POC1A: variants seen among roughly 807,000 people sequenced by gnomAD.
POC1A encodes the protein POC1 centriolar protein homolog A.
POC1A carries 34 observed loss-of-function variants against 47.8 expected under a neutral mutation model. The ratio of observed to expected loss-of-function variants is 0.71; its 90% CI spans 0.54 to 0.95. The LOEUF is 0.95. POC1A is among the 40% of genes least tolerant of loss of function. POC1A has a pLI of 0.00. For missense variants in POC1A, 466 were observed against 528.3 expected, an observed-to-expected ratio of 0.88 and a Z score of 1.16; for synonymous variants, 177 against 207.6, an observed-to-expected ratio of 0.85 and a Z score of 1.27.
intron 6 of POC1A, among the ~76,000 whole-genome samples, chr3:52,145,162 C>T (rs1246318548): frequency 1.3e-5 from 2 of 152,186 alleles, no homozygotes; most frequent in Admixed American, 6.5e-5. Flanking sequence ...CCTGCCCACT[C>T]ATACTTGCTC....
intron 7 of POC1A, among the ~76,000 whole-genome samples, chr3:52,129,978 T>C (rs752153036): frequency 4.6e-5 from 7 of 152,180 alleles, no homozygotes; most frequent in Non-Finnish European, 4.4e-5. Flanking sequence ...GATTTCACAG[T>C]CGTGCTGGCT....
chr3:52,125,268 AAGC>A, intron 7 of POC1A, 87 bp from the exon 8 acceptor site: 1 of 1,117,844 alleles, frequency 8.9e-7, no homozygotes, highest in Non-Finnish European at 1.3e-6. Flanking sequence ...TCTTGAATGA[AAGC>A]AGCAGCAGGA....
intron 4 of POC1A, among the ~76,000 whole-genome samples, chr3:52,147,838 C>T (rs190194139): frequency 1.9e-4 from 29 of 152,170 alleles, no homozygotes; most frequent in Non-Finnish European, 5.9e-5. Flanking sequence ...CTCTTGTTTT[C>T]GTTTTCTTAC....
intron 7 of POC1A, among the ~76,000 whole-genome samples, chr3:52,130,588 G>A (rs796252171): frequency 1.3e-5 from 2 of 152,200 alleles, no homozygotes; most frequent in Non-Finnish European, 2.9e-5. Context: ...TAAATGAGCC[G>A]TTCTCTCTCT....
rs147865556 is a variant in POC1A, at chr3:52,105,115, G to C, written c.982-8403C>G. Among the ~76,000 whole-genome samples the C allele has an allele frequency of 4.8e-4, 73 of 152,322 alleles. 1 individual carries two copies. In the East Asian group the frequency reaches 0.013, roughly 28 times the overall value. ...CAAAGCTTGATTCTAGGCAAGAGAG[G>C]GGAGAAGAAGGTGACCTGGGGCCAA... On this transcript the variant is annotated intron_variant, in intron 9 of 10. Coordinates refer to ENST00000296484, the MANE Select transcript of POC1A (RefSeq NM_015426.5).
chr3:52,134,021 TGGGGCTC>T (rs1704340410), intron 7 of POC1A, among the ~76,000 whole-genome samples: 1 of 152,202 alleles, frequency 6.6e-6, no homozygotes, highest in Non-Finnish European at 1.5e-5. Flanking sequence ...CAAAGTTTCA[TGGGGCTC>T]CCTTCTGTTG....
At chr3:52,100,805 G>A (rs1001387597) in intron 9 of POC1A, among the ~76,000 whole-genome samples, 3 of 152,238 alleles carry the variant, frequency 2.0e-5, no homozygotes, top group African/African-American at 7.2e-5. Flanking sequence ...GTTCTTGGAG[G>A]TGCAGGCCTA....
chr3:52,104,039 G>A (rs78530118), intron 9 of POC1A, among the ~76,000 whole-genome samples: 2,030 of 152,262 alleles, frequency 0.013, 42 homozygotes, highest in African/African-American at 0.046. Context: ...ATATGTACAT[G>A]AACGTTCATG....
intron 9 of POC1A, among the ~76,000 whole-genome samples, chr3:52,108,149 T>C (rs777153708): frequency 5.3e-5 from 8 of 152,244 alleles, no homozygotes; most frequent in Non-Finnish European, 1.0e-4. Context: ...AGGGTTCACA[T>C]GGAAGGGCTT....
intron 9 of POC1A, 144 bp from the exon 10 acceptor site, chr3:52,096,856 C>G (rs1184426566): frequency 7.1e-6 from 5 of 707,686 alleles, no homozygotes; most frequent in Middle Eastern, 3.9e-4. Flanking sequence ...GAAACAGCAG[C>G]GTGGCGGTGT....
intron 10 of POC1A, among the ~76,000 whole-genome samples, chr3:52,091,317 TA>T (rs1702639456): frequency 6.6e-6 from 1 of 152,186 alleles, no homozygotes; most frequent in African/African-American, 2.4e-5. Flanking sequence ...AGAATTCCCA[TA>T]GGGGGCTCAA....
At chr3:52,121,614 T>C (rs1204862604) in intron 9 of POC1A, among the ~76,000 whole-genome samples, 2 of 152,150 alleles carry the variant, frequency 1.3e-5, no homozygotes, top group African/African-American at 2.4e-5. Flanking sequence ...GCTGGAGGCC[T>C]TGGGCGAGCC....
chr3:52,138,385 C>T (rs532941295), intron 6 of POC1A, 83 bp from the exon 7 acceptor site: 10 of 1,434,302 alleles, frequency 7.0e-6, no homozygotes, highest in Middle Eastern at 1.8e-4. Flanking sequence ...CAGGGCCAAT[C>T]GAGGCTCAGC....
intron 7 of POC1A, among the ~76,000 whole-genome samples, chr3:52,133,435 C>A (rs1289598762): frequency 6.6e-6 from 1 of 152,176 alleles, no homozygotes; most frequent in Non-Finnish European, 1.5e-5. Context: ...ACAAAATGAG[C>A]CTGCGCAAAC....
intron 9 of POC1A, among the ~76,000 whole-genome samples, chr3:52,112,516 C>T (rs1360184976): frequency 6.6e-6 from 1 of 152,112 alleles, no homozygotes; most frequent in Non-Finnish European, 1.5e-5. Context: ...GTGGTGCATG[C>T]CTGTAATCCC....
chr3:52,083,690 A>T (rs1416616610), intron 10 of POC1A, among the ~76,000 whole-genome samples: 3 of 152,132 alleles, frequency 2.0e-5, no homozygotes, highest in Non-Finnish European at 2.9e-5. Context: ...ACAGGAGCAG[A>T]GTGTGTGTCT....
At chr3:52,098,049 G>A (rs1702880279) in intron 9 of POC1A, among the ~76,000 whole-genome samples, 1 of 152,244 alleles carries the variant, frequency 6.6e-6, no homozygotes, top group Non-Finnish European at 1.5e-5. Context: ...GAGGAATGGT[G>A]ACTCAGACAG....
intron 6 of POC1A, among the ~76,000 whole-genome samples, chr3:52,144,125 G>T (rs376160001): frequency 6.6e-6 from 1 of 152,184 alleles, no homozygotes; most frequent in Non-Finnish European, 1.5e-5. Flanking sequence ...CCCCTTTACA[G>T]AAAGGAACCA....
At chr3:52,110,740 G>A (rs781243840) in intron 9 of POC1A, among the ~76,000 whole-genome samples, 7 of 152,206 alleles carry the variant, frequency 4.6e-5, no homozygotes, top group Non-Finnish European at 8.8e-5. Context: ...TTCAAGGCAT[G>A]CAGCCTGGCT....
Sources: gnomAD v4.1 joint callset for allele counts (sites outside exome capture counted in the v4.1 genomes callset) on GRCh38, gnomAD v4.1.1 for gene constraint, MANE v1.5 for transcripts, NCBI Gene and HGNC (gene_info 2026-07-23, HGNC 2026-07-21) for gene names.